The following ATG3 variants were observed in gnomAD, a reference collection of about 807,000 sequenced individuals.
ATG3 encodes the protein autophagy related 3, also known as ubiquitin-like-conjugating enzyme ATG3.
A neutral mutation model predicts 50.7 loss-of-function variants in ATG3; 25 were observed. The observed-to-expected ratio is 0.49, with a 90% CI of 0.36 to 0.69. ATG3 has a LOEUF of 0.69. ATG3 is among the 30% of genes least tolerant of loss of function. The pLI is 0.00. For missense variants in ATG3, 281 were observed against 376.0 expected, an observed-to-expected ratio of 0.75 and a Z score of 2.09; for synonymous variants, 119 against 125.5, an observed-to-expected ratio of 0.95 and a Z score of 0.34.
chr3:112,553,783 C>T (rs973609879), intron 2 of ATG3, among the ~76,000 whole-genome samples: 1 of 152,040 alleles, frequency 6.6e-6, no homozygotes, highest in Non-Finnish European at 1.5e-5. Context: ...TAATGTAAGT[C>T]TACTTTATTA....
intron 6 of ATG3, among the ~76,000 whole-genome samples, chr3:112,543,603 T>C (rs986447654): frequency 1.3e-5 from 2 of 152,196 alleles, no homozygotes; most frequent in Non-Finnish European, 2.9e-5. Context: ...AAATTGCTTA[T>C]GGCACTATTT....
intron 2 of ATG3, among the ~76,000 whole-genome samples, chr3:112,553,875 A>G (rs550965840): frequency 3.6e-4 from 55 of 152,306 alleles, no homozygotes; most frequent in Non-Finnish European, 6.0e-4. Flanking sequence ...TTGCACTTCT[A>G]AAAGAGAAAT....
chr3:112,533,970 A>T (rs1357615374), intron 11 of ATG3: 2 of 1,139,610 alleles, frequency 1.8e-6, no homozygotes, highest in East Asian at 4.3e-5. Context: ...TTTTGGTAAC[A>T]TGTTAAACTG....
At chr3:112,546,583 T>C (rs1933376129) in intron 5 of ATG3, among the ~76,000 whole-genome samples, 1 of 151,700 alleles carries the variant, frequency 6.6e-6, no homozygotes, top group Non-Finnish European at 1.5e-5. Flanking sequence ...TATGGGTTGT[T>C]TCTCTAGAGA....
chr3:112,545,550 C>T lies in ATG3; in HGVS notation c.344-1444G>A, dbSNP rs150964843. Among the ~76,000 whole-genome samples, 4 of 152,276 alleles carry T rather than the reference C, an allele frequency of 2.6e-5. No homozygotes were observed. In the East Asian group the frequency reaches 7.7e-4, roughly 29 times the overall value. ...AATAGGTCAAAATCCACAGGTCTAG[C>T]ACAAAGCTTTTACTTCAGTTTTTCT... On this transcript the variant is annotated intron_variant, in intron 5 of 11. Coordinates refer to ENST00000283290, the MANE Select transcript of ATG3 (RefSeq NM_022488.5).
At chr3:112,561,362 T>C in intron 1 of ATG3, 95 bp downstream of exon 1, 4 of 1,316,890 alleles carry the variant, frequency 3.0e-6, no homozygotes, top group Non-Finnish European at 4.3e-6. Flanking sequence ...TCCTACACCT[T>C]GCCCCGCCGG....
intron 3 of ATG3, among the ~76,000 whole-genome samples, chr3:112,551,831 C>A (rs563556111): frequency 3.0e-4 from 46 of 151,718 alleles, no homozygotes; most frequent in Admixed American, 5.2e-4. Flanking sequence ...GAAAAAAAAA[C>A]CACCTTTATT....
At chr3:112,555,359 T>TA (rs1933639095) in intron 2 of ATG3, among the ~76,000 whole-genome samples, 1 of 152,234 alleles carries the variant, frequency 6.6e-6, no homozygotes, top group Non-Finnish European at 1.5e-5. Context: ...AGCTTTCTCT[T>TA]AGAGACTAAA....
intron 5 of ATG3, among the ~76,000 whole-genome samples, chr3:112,547,410 A>C (rs920081114): frequency 5.3e-5 from 8 of 152,202 alleles, no homozygotes; most frequent in African/African-American, 1.9e-4. Context: ...AAGGTTGAGA[A>C]ACCCTGTTTT....
Position 112,554,549 on chromosome 3 carries a change from T to C in ATG3, c.115-1220A>G, listed in dbSNP as rs563784670. Reference sequence around the variant, plus strand: ...TTGCTCTTTTCGGACTCAGCCCGCCTGCACCCAGGTGAAATAAACAGCCTT... The same window carrying C: ...TTGCTCTTTTCGGACTCAGCCCGCCCGCACCCAGGTGAAATAAACAGCCTT... On this transcript the variant is annotated intron_variant, in intron 2 of 11. Transcript: ENST00000283290. Among the ~76,000 whole-genome samples, 19 of 152,354 alleles carry C rather than the reference T, an allele frequency of 1.2e-4. No homozygotes were observed. The South Asian group carries it at 2.9e-3, about 23-fold the overall frequency.
At chr3:112,534,502 ATATT>A in intron 10 of ATG3, 165 bp from the exon 11 acceptor site, 1 of 392,320 alleles carries the variant, frequency 2.5e-6, no homozygotes, top group African/African-American at 2.1e-5. Flanking sequence ...TAACTATAAA[ATATT>A]TATTAAAATA....
intron 3 of ATG3, among the ~76,000 whole-genome samples, chr3:112,551,866 A>C (rs1933538650): frequency 6.6e-6 from 1 of 152,192 alleles, no homozygotes; most frequent in Non-Finnish European, 1.5e-5. Flanking sequence ...CTATGACATG[A>C]ATTTAATTTT....
chr3:112,558,180 T>C, intron 2 of ATG3, 196 bp downstream of exon 2: 1 of 560,456 alleles, frequency 1.8e-6, no homozygotes, highest in East Asian at 3.0e-5. Flanking sequence ...CAGAGAAATA[T>C]GAGAAGTGGC....
At chr3:112,552,892 C>T (rs34949685) in intron 3 of ATG3, among the ~76,000 whole-genome samples, 6,391 of 152,046 alleles carry the variant, frequency 0.042, 246 homozygotes, top group Admixed American at 0.11. Context: ...GTGATCTGCC[C>T]GCCTCAGCCT....
At chr3:112,539,682 C>T (rs549156500) in intron 7 of ATG3, among the ~76,000 whole-genome samples, 3 of 152,290 alleles carry the variant, frequency 2.0e-5, no homozygotes, top group Admixed American at 6.5e-5. Context: ...TTATCTCCAA[C>T]ACCAAGGACA....
At chr3:112,549,111 C>T (rs1933455851) in intron 4 of ATG3, among the ~76,000 whole-genome samples, 1 of 152,162 alleles carries the variant, frequency 6.6e-6, no homozygotes, top group Non-Finnish European at 1.5e-5. Flanking sequence ...TATTTAAGTT[C>T]CAGTTATTCA....
At chr3:112,553,393 G>C (rs1428502026) in intron 2 of ATG3, 64 bp from the exon 3 acceptor site, 1 of 1,453,894 alleles carries the variant, frequency 6.9e-7, no homozygotes, top group Admixed American at 1.7e-5. Context: ...CACTGAATGT[G>C]CAAGGTGGCA....
intron 5 of ATG3, among the ~76,000 whole-genome samples, chr3:112,547,294 C>G (rs114733033): frequency 1.7e-3 from 260 of 152,312 alleles, no homozygotes; most frequent in Non-Finnish European, 3.0e-3. Flanking sequence ...TGTTCTATTA[C>G]TACTAAGGAT....
At chr3:112,561,304 C>T (rs547189622) in intron 1 of ATG3, among the ~76,000 whole-genome samples, 153 bp downstream of exon 1, 3 of 152,222 alleles carry the variant, frequency 2.0e-5, no homozygotes, top group South Asian at 4.1e-4. Context: ...CCGGTTAAGA[C>T]TACGGGTGGG....
Sources: gnomAD v4.1 joint callset for allele counts (sites outside exome capture counted in the v4.1 genomes callset) on GRCh38, gnomAD v4.1.1 for gene constraint, MANE v1.5 for transcripts, NCBI Gene and HGNC (gene_info 2026-07-23, HGNC 2026-07-21) for gene names.